The following NADK2 variants were observed in gnomAD, a reference collection of about 807,000 sequenced individuals.
The protein encoded by NADK2 is NAD kinase 2, mitochondrial.
Under a neutral mutation model 62.1 loss-of-function variants are expected in NADK2, and 35 were observed. That is an observed-to-expected ratio of 0.56 (90% CI 0.43 to 0.75). The LOEUF is 0.75. Ranked by LOEUF, NADK2 falls within the 30% of genes least tolerant of loss-of-function variation. NADK2 has a pLI of 0.00. For synonymous variants in NADK2, 205 were observed against 207.9 expected, an observed-to-expected ratio of 0.99 and a Z score of 0.12; for missense variants, 439 against 561.3, an observed-to-expected ratio of 0.78 and a Z score of 2.20.
intron 2 of NADK2, 96 bp from the exon 3 acceptor site, chr5:36,226,659 T>C (rs1168994818): frequency 1.3e-6 from 1 of 773,358 alleles, no homozygotes; most frequent in Non-Finnish European, 2.1e-6. Flanking sequence ...AATAGAGATG[T>C]AAAATAAATT....
intron 1 of NADK2, among the ~76,000 whole-genome samples, chr5:36,239,236 C>G (rs1001505853): frequency 2.0e-5 from 3 of 152,322 alleles, no homozygotes; most frequent in South Asian, 2.1e-4. Context: ...TACTTATCAT[C>G]TTATCACTCC....
intron 1 of NADK2, among the ~76,000 whole-genome samples, chr5:36,232,117 A>G (rs1312808010): frequency 3.3e-5 from 5 of 152,192 alleles, no homozygotes; most frequent in Non-Finnish European, 7.4e-5. Context: ...ACATGTAAGG[A>G]AAAAAGCAAG....
At chr5:36,212,334 T>A (rs1340139877) in intron 6 of NADK2, 1 of 152,966 alleles carries the variant, frequency 6.5e-6, no homozygotes, top group African/African-American at 2.4e-5. Context: ...GGAAACCAAA[T>A]CAGGTATGTT....
chr5:36,220,758 A>C (rs1420745283), intron 4 of NADK2, among the ~76,000 whole-genome samples: 2 of 152,256 alleles, frequency 1.3e-5, no homozygotes, highest in Non-Finnish European at 2.9e-5. Flanking sequence ...TTACAGTCAG[A>C]TATCAGCTAG....
chr5:36,201,684 T>C (rs1222257137), intron 8 of NADK2, among the ~76,000 whole-genome samples: 1 of 151,940 alleles, frequency 6.6e-6, no homozygotes, highest in Non-Finnish European at 1.5e-5. Flanking sequence ...AAAATATATA[T>C]ATAGTATGAC....
At chr5:36,233,365 C>A (rs1486969870) in intron 1 of NADK2, among the ~76,000 whole-genome samples, 1 of 152,116 alleles carries the variant, frequency 6.6e-6, no homozygotes, top group African/African-American at 2.4e-5. Flanking sequence ...CCCTCATCAC[C>A]CAATTCCTAT....
chr5:36,200,348 G>T, intron 9 of NADK2, 68 bp from the exon 10 acceptor site: 1 of 923,374 alleles, frequency 1.1e-6, no homozygotes, highest in Non-Finnish European at 1.5e-6. Flanking sequence ...TATTTTCCTT[G>T]AAAAAGGGGG....
intron 1 of NADK2, among the ~76,000 whole-genome samples, chr5:36,240,616 G>C (rs1748070415): frequency 6.6e-6 from 1 of 152,140 alleles, no homozygotes; most frequent in African/African-American, 2.4e-5. Flanking sequence ...TGGTGGTATG[G>C]GATCAGAAAC....
chr5:36,228,932 C>T (rs1747601392), intron 1 of NADK2, among the ~76,000 whole-genome samples: 1 of 151,966 alleles, frequency 6.6e-6, no homozygotes, highest in African/African-American at 2.4e-5. Flanking sequence ...GCCTAATATA[C>T]AATCTCAAAT....
chr5:36,200,022 G>C (rs1746376656), intron 10 of NADK2, among the ~76,000 whole-genome samples: 1 of 151,936 alleles, frequency 6.6e-6, no homozygotes, highest in South Asian at 2.1e-4. Context: ...TTTGACTTAA[G>C]AGTTATATTT....
At chr5:36,203,934 A>C (rs1189805291) in intron 8 of NADK2, among the ~76,000 whole-genome samples, 1 of 152,114 alleles carries the variant, frequency 6.6e-6, no homozygotes, top group Non-Finnish European at 1.5e-5. Flanking sequence ...TCTCCATTTA[A>C]AAATTGACCT....
intron 7 of NADK2, among the ~76,000 whole-genome samples, chr5:36,211,554 C>CA (rs11387893): frequency 0.9 from 132,708 of 146,694 alleles, 60,797 homozygotes; most frequent in Non-Finnish European, 0.98. Context: ...GACTCAGTCT[C>CA]AAAAAAAAAA....
At chr5:36,208,492 G>A (rs990807201) in intron 7 of NADK2, 7 of 635,824 alleles carry the variant, frequency 1.1e-5, no homozygotes, top group African/African-American at 1.1e-4. Context: ...AGTACAGTCA[G>A]GTGAGAGATG....
chr5:36,197,499 A>T (rs1746272426), intron 11 of NADK2, 42 bp downstream of exon 11: 2 of 1,610,414 alleles, frequency 1.2e-6, no homozygotes, highest in East Asian at 2.2e-5. Context: ...TGTAACAATG[A>T]AAGGGATGAA....
Position 36,241,156 on chromosome 5 carries a change from C to T in NADK2, c.300+343G>A, listed in dbSNP as rs1189697843. 6.6e-6 allele frequency among the ~76,000 whole-genome samples: 1 copy of T among 152,152 alleles called. No homozygotes were observed. Among genetic ancestry groups the T allele is most frequent in the Admixed American group, 6.5e-5 (1 of 15,284 alleles). On this transcript the variant is annotated intron_variant, in intron 1 of 11. Coordinates refer to ENST00000381937, the MANE Select transcript of NADK2 (RefSeq NM_001085411.3). This position sits in a 1 kb window ranked among gnomAD's most constrained non-coding sequence, Gnocchi z 4.9. ...GTGGGTCCCAACCAGGGAACGAGGG[C>T]GGGGGCGGCGAGGGCACCAACGAAT...
rs997834097 is a variant in NADK2, at chr5:36,201,242, A to G, written c.957-81T>C. On this transcript the variant is annotated intron_variant, in intron 8 of 11. Coordinates refer to ENST00000381937, the MANE Select transcript of NADK2 (RefSeq NM_001085411.3). ...CAAAAAGGAATAACCTACTTAAAAT[A>G]TAGAAAATTCTTAGAAATTAGGAGG... The G allele has an allele frequency of 4.8e-6, 6 of 1,246,860 alleles. No individual in the cohort carries two copies. The Admixed American group carries it at 6.2e-5, about 13-fold the overall frequency. The allele number at this position is 1,246,860 out of a possible 1,614,324, so 77.2% of individuals were successfully genotyped here.
At position 36,194,397 on chromosome 5, in the gene NADK2, G is replaced by GT. The variant is rs1447113469; in HGVS notation, c.*746dup. On this transcript the variant is annotated 3_prime_UTR_variant, in exon 12 of 12. Coordinates refer to ENST00000381937, the MANE Select transcript of NADK2 (RefSeq NM_001085411.3). ...AGCATTTTAAAGATGGAAGAAACCT[G>GT]TAAGACTCATATCATTTTAAAAAAA... 1 of 152,090 alleles carries GT rather than the reference G, an allele frequency of 6.6e-6. No individual in the cohort carries two copies. Among genetic ancestry groups the GT allele is most frequent in the Non-Finnish European group, 1.5e-5 (1 of 68,014 alleles). 9.4% of individuals were successfully genotyped at this position (152,090 alleles called of 1,614,324 possible).
At chr5:36,233,023 TAATA>T (rs1747761894) in intron 1 of NADK2, among the ~76,000 whole-genome samples, 1 of 152,200 alleles carries the variant, frequency 6.6e-6, no homozygotes, top group Non-Finnish European at 1.5e-5. Context: ...ATGAGCAACT[TAATA>T]AATCCGTGTC....
intron 10 of NADK2, 63 bp from the exon 11 acceptor site, chr5:36,197,727 A>C: frequency 7.5e-7 from 1 of 1,334,686 alleles, no homozygotes. Context: ...AGGGCAAAAC[A>C]AAAAATAGAT....
Sources: allele counts gnomAD v4.1 joint callset (sites outside exome capture counted in the v4.1 genomes callset), GRCh38; gene constraint gnomAD v4.1.1; non-coding constraint Gnocchi (gnomAD v3.1); transcripts MANE v1.5; gene names NCBI Gene and HGNC (gene_info 2026-07-23, HGNC 2026-07-21).